The following WWP2 variants were observed in gnomAD, a reference collection of about 807,000 sequenced individuals.
The protein encoded by WWP2 is NEDD4-like E3 ubiquitin-protein ligase WWP2.
WWP2 carries 57 observed loss-of-function variants against 121.0 expected under a neutral mutation model. The ratio of observed to expected loss-of-function variants is 0.47; its 90% CI spans 0.38 to 0.59. The LOEUF (loss-of-function observed/expected upper bound fraction) is 0.59, where lower values mean the gene tolerates loss of function less well. WWP2 is among the 20% of genes least tolerant of loss of function. WWP2 has a pLI of 0.00. For synonymous variants in WWP2, 449 were observed against 441.3 expected (o/e 1.02, Z -0.22); for missense variants, 962 against 1,158.9 (o/e 0.83, Z 2.47).
intron 10 of WWP2, among the ~76,000 whole-genome samples, chr16:69,920,265 C>T (rs76844572): frequency 0.033 from 5,056 of 152,226 alleles, 271 homozygotes; most frequent in East Asian, 0.16. Context: ...TAAGTTGCTC[C>T]AGGGTCGACG....
intron 2 of WWP2, among the ~76,000 whole-genome samples, chr16:69,787,292 T>TA (rs774277256): frequency 6.6e-5 from 10 of 152,220 alleles, no homozygotes; most frequent in Non-Finnish European, 1.0e-4. Context: ...TAAAATTGTC[T>TA]AAAATGGTGA....
intron 4 of WWP2, among the ~76,000 whole-genome samples, chr16:69,829,412 C>T (rs1431784274): frequency 6.6e-6 from 1 of 152,214 alleles, no homozygotes; most frequent in Non-Finnish European, 1.5e-5. Context: ...TGTCACAAGG[C>T]ATTGCAATGT....
In WWP2 at chr16:69,920,938, TCTTC is replaced by T. The variant is rs560641348; in HGVS notation, c.1179+3062_1179+3065del. Among the ~76,000 whole-genome samples the T allele has an allele frequency of 4.0e-3, 612 of 152,202 alleles. 8 individuals are homozygous for T. Among genetic ancestry groups the T allele is most frequent in the African/African-American group, 0.014 (581 of 41,516 alleles). ...TCACATCTGCCTGGTCTTTTTGGAG[TCTTC>T]CTTCCTGCCTGCCTCTCTTAGCAAC... is the stretch of plus-strand genomic sequence containing the variant. On this transcript the variant is annotated intron_variant, in intron 10 of 23. Coordinates refer to ENST00000359154, the MANE Select transcript of WWP2 (RefSeq NM_001270454.2).
intron 6 of WWP2, among the ~76,000 whole-genome samples, chr16:69,870,256 A>G (rs112231122): frequency 3.3e-5 from 5 of 150,830 alleles, no homozygotes; most frequent in African/African-American, 1.2e-4. Flanking sequence ...AGTGAATATT[A>G]TATACTTCTG....
intron 4 of WWP2, among the ~76,000 whole-genome samples, chr16:69,809,549 C>T (rs2056347958): frequency 6.6e-6 from 1 of 152,042 alleles, no homozygotes; most frequent in East Asian, 1.9e-4. Context: ...GGTGTATCAC[C>T]TGAGGTCAGG....
Position 69,925,049 on chromosome 16 carries a change from G to A in WWP2, c.1180-381G>A. 1 of 1,009,264 alleles carries A rather than the reference G, an allele frequency of 9.9e-7. No individual in the cohort carries two copies. Among genetic ancestry groups the A allele is most frequent in the Non-Finnish European group, 1.2e-6 (1 of 846,158 alleles). The allele number at this position is 1,009,264 out of a possible 1,614,324, so 62.5% of individuals were successfully genotyped here. On this transcript the variant is annotated intron_variant, in intron 10 of 23. Coordinates refer to ENST00000359154, the MANE Select transcript of WWP2 (RefSeq NM_001270454.2). The surrounding 1 kb of genome is among the most constrained non-coding windows in gnomAD (Gnocchi z 4.0). ...GGTGGTGGTGATTTCAGTCGCCTTG[G>A]CCGCCTTGAGCCGGAGCTGAGCGGA...
Position 69,837,472 on chromosome 16 carries a change from A to G in WWP2, c.341-2654A>G, listed in dbSNP as rs552204175. ...TGGAGACAATGAGTAGATAAACCAGATAGAAGAGCTAACTTGGATCCCTGA... is the reference window on the plus strand; with the variant it reads ...TGGAGACAATGAGTAGATAAACCAGGTAGAAGAGCTAACTTGGATCCCTGA... On this transcript the variant is annotated intron_variant, in intron 4 of 23. Transcript: ENST00000359154. Among the ~76,000 whole-genome samples, 287 of 152,318 alleles carry G rather than the reference A, an allele frequency of 1.9e-3. 4 individuals are homozygous for G. The highest frequency in any genetic ancestry group is 6.6e-3 in the African/African-American group (276 of 41,576).
At chr16:69,889,477 C>A (rs1241699408) in intron 8 of WWP2, among the ~76,000 whole-genome samples, 1 of 152,178 alleles carries the variant, frequency 6.6e-6, no homozygotes, top group Non-Finnish European at 1.5e-5. Flanking sequence ...AATCCCCCCA[C>A]CATGTGACCT....
chr16:69,931,935 C>T (rs1308565347), intron 16 of WWP2, 45 bp downstream of exon 16: 1 of 1,553,540 alleles, frequency 6.4e-7, no homozygotes, highest in East Asian at 2.3e-5. Flanking sequence ...CCCGCTTCCC[C>T]AGGCTACAGC....
intron 4 of WWP2, among the ~76,000 whole-genome samples, chr16:69,824,474 C>G (rs903784050): frequency 6.6e-6 from 1 of 151,964 alleles, no homozygotes; most frequent in Non-Finnish European, 1.5e-5. Flanking sequence ...GTAAGGCACA[C>G]ACTTCTCAGA....
chr16:69,913,987 G>T (rs1252681446), intron 9 of WWP2, among the ~76,000 whole-genome samples: 1 of 142,556 alleles, frequency 7.0e-6, no homozygotes, highest in Admixed American at 7.7e-5. Flanking sequence ...AAGGAGAATC[G>T]CTTGAACCTG....
chr16:69,920,622 TA>T (rs562311594), intron 10 of WWP2, among the ~76,000 whole-genome samples: 119 of 144,298 alleles, frequency 8.2e-4, no homozygotes, highest in East Asian at 1.6e-3. Flanking sequence ...AATTTCTCAT[TA>T]AAAAAAAAAA....
intron 1 of WWP2, among the ~76,000 whole-genome samples, chr16:69,779,444 T>C (rs2055616431): frequency 1.3e-5 from 2 of 152,254 alleles, no homozygotes; most frequent in South Asian, 4.1e-4. Context: ...GAAAACATGG[T>C]GATGTTTTAT....
chr16:69,933,841 C>A, intron 16 of WWP2, 129 bp from the exon 17 acceptor site: 1 of 1,100,362 alleles, frequency 9.1e-7, no homozygotes, highest in Non-Finnish European at 1.3e-6. Context: ...GTGCTTGTCA[C>A]AGGGCTCGAC....
At chr16:69,906,214 A>G (rs967803133) in intron 8 of WWP2, among the ~76,000 whole-genome samples, 1 of 151,942 alleles carries the variant, frequency 6.6e-6, no homozygotes, top group Admixed American at 6.6e-5. Flanking sequence ...CTGGGACTAC[A>G]GGTGCCTGCC....
At chr16:69,791,985 T>TTTTTTTTTTTTTTTTTTTTTGAG (rs2055922424) in intron 2 of WWP2, among the ~76,000 whole-genome samples, 1 of 152,158 alleles carries the variant, frequency 6.6e-6, no homozygotes, top group African/African-American at 2.4e-5. Flanking sequence ...TACACATATT[T>TTTTTTTTTTTTTTTTTTTTTGAG]AACCTACACA....
chr16:69,912,918 CAAAACAAAAAAAAAAA>C (rs2058405132), intron 9 of WWP2, among the ~76,000 whole-genome samples: 2 of 31,808 alleles, frequency 6.3e-5, no homozygotes, highest in Non-Finnish European at 1.1e-4. Context: ...CCAGTCTCTA[CAAAACAAAAAAAAAAA>C]AAAAAAAAAA....
intron 7 of WWP2, among the ~76,000 whole-genome samples, chr16:69,878,279 G>A (rs2057769531): frequency 6.6e-6 from 1 of 152,180 alleles, no homozygotes; most frequent in Admixed American, 6.5e-5. Context: ...ATGTGACACA[G>A]AGACATGAAG....
At chr16:69,861,013 C>T (rs769101081) in intron 6 of WWP2, among the ~76,000 whole-genome samples, 34 of 152,166 alleles carry the variant, frequency 2.2e-4, no homozygotes, top group Admixed American at 5.2e-4. Flanking sequence ...TTTTCTGGCG[C>T]ACCTGTACAG....
Sources: gnomAD v4.1 joint callset for allele counts (sites outside exome capture counted in the v4.1 genomes callset) on GRCh38, gnomAD v4.1.1 for gene constraint, Gnocchi (gnomAD v3.1) non-coding constraint, MANE v1.5 for transcripts, NCBI Gene and HGNC (gene_info 2026-07-23, HGNC 2026-07-21) for gene names.